The following ANO3 variants were observed in gnomAD, a reference collection of about 807,000 sequenced individuals.
The protein encoded by ANO3 is anoctamin-3.
Under a neutral mutation model 144.8 loss-of-function variants are expected in ANO3, and 99 were observed. The observed-to-expected ratio is 0.68, with a 90% CI of 0.58 to 0.81. The LOEUF (loss-of-function observed/expected upper bound fraction) is 0.81. Among genes scored for constraint, ANO3 ranks in the 30% least tolerant of loss-of-function variants. The pLI is 0.00. For missense variants in ANO3, 905 were observed against 1,202.2 expected (o/e 0.75, Z 3.66); for synonymous variants, 414 against 392.6 (o/e 1.05, Z -0.64).
At chr11:26,393,776 G>A (rs1856938601) in intron 1 of ANO3, among the ~76,000 whole-genome samples, 1 of 152,050 alleles carries the variant, frequency 6.6e-6, no homozygotes, top group African/African-American at 2.4e-5. Flanking sequence ...AATATACTTT[G>A]GGAGTTGTTA....
Position 26,374,535 on chromosome 11 carries a change from A to G in ANO3, c.46+42214A>G, listed in dbSNP as rs572523837. The stretch of plus-strand genomic sequence containing the variant: ...AAGTTTCTGATAAAGGGAAACAAAA[A>G]TTAGTAATAATCATTTGCCATTTTA... On this transcript the variant is annotated intron_variant, in intron 1 of 26. Coordinates refer to ENST00000256737, the MANE Select transcript of ANO3 (RefSeq NM_031418.4). Among the ~76,000 whole-genome samples the G allele has an allele frequency of 2.0e-5, 3 of 152,334 alleles. No individual in the cohort carries two copies. In the South Asian group the frequency reaches 6.2e-4, roughly 32 times the overall value.
chr11:26,465,643 G>C (rs938922818), intron 4 of ANO3, among the ~76,000 whole-genome samples: 1 of 151,822 alleles, frequency 6.6e-6, no homozygotes, highest in African/African-American at 2.4e-5. Flanking sequence ...ATAACCCCAA[G>C]TCCTGCAACC....
intron 1 of ANO3, among the ~76,000 whole-genome samples, chr11:26,243,829 T>C (rs536084910): frequency 7.9e-5 from 12 of 152,090 alleles, no homozygotes; most frequent in African/African-American, 2.9e-4. Context: ...GTGTTGTTTT[T>C]GAAAAAATGA....
In ANO3 at chr11:26,581,510, G is replaced by A. The variant is rs200431334; in HGVS notation, c.1448-16855G>A. On this transcript the variant is annotated intron_variant, in intron 14 of 26. Coordinates refer to ENST00000256737, the MANE Select transcript of ANO3 (RefSeq NM_031418.4). ...TCGAGACCACCCTGGTCAACATGGTGAAACCCCGTCTCTACTAAAAATACA... is the reference window on the plus strand; with the variant it reads ...TCGAGACCACCCTGGTCAACATGGTAAAACCCCGTCTCTACTAAAAATACA... Among the ~76,000 whole-genome samples, 12 of 151,896 alleles carry A rather than the reference G, an allele frequency of 7.9e-5. No individual in the cohort carries two copies. In the East Asian group the frequency reaches 2.3e-3, roughly 30 times the overall value.
chr11:26,306,369 C>T (rs1854384354), upstream of ANO3, among the ~76,000 whole-genome samples: 1 of 152,084 alleles, frequency 6.6e-6, no homozygotes, highest in Non-Finnish European at 1.5e-5. Flanking sequence ...CTAACCTTAC[C>T]TCTCTCCAAG....
At chr11:26,630,422 A>G (rs1315017525) in intron 18 of ANO3, among the ~76,000 whole-genome samples, 4 of 152,226 alleles carry the variant, frequency 2.6e-5, no homozygotes, top group African/African-American at 9.6e-5. Flanking sequence ...TTGTCACTTG[A>G]CATTAATCAG....
At chr11:26,410,968 G>A (rs1449351348) in intron 1 of ANO3, among the ~76,000 whole-genome samples, 1 of 151,890 alleles carries the variant, frequency 6.6e-6, no homozygotes, top group Non-Finnish European at 1.5e-5. Context: ...TGGGATTTCC[G>A]GATCTTCAAC....
intron 5 of ANO3, among the ~76,000 whole-genome samples, chr11:26,512,408 G>T (rs796539152): frequency 2.8e-4 from 43 of 152,270 alleles, no homozygotes; most frequent in African/African-American, 1.0e-3. Context: ...TGCCAGATTG[G>T]CAGTTTTTGA....
chr11:26,386,803 C>G (rs146536435), intron 1 of ANO3, among the ~76,000 whole-genome samples: 1 of 152,210 alleles, frequency 6.6e-6, no homozygotes, highest in East Asian at 1.9e-4. Context: ...GGATAGTATC[C>G]TGACCCAAAA....
intron 1 of ANO3, among the ~76,000 whole-genome samples, chr11:26,361,876 C>T (rs528116450): frequency 6.6e-6 from 1 of 152,214 alleles, no homozygotes; most frequent in African/African-American, 2.4e-5. Context: ...TCTAAAAATG[C>T]TTTTTGTTCT....
chr11:26,432,938 GA>G (rs2134012297), intron 1 of ANO3, among the ~76,000 whole-genome samples: 1 of 152,220 alleles, frequency 6.6e-6, no homozygotes, highest in East Asian at 1.9e-4. Context: ...ATTATGTGAA[GA>G]ATATCATTGG....
chr11:26,309,855 G>A (rs767943084), intron 1 of ANO3: 1 of 201,504 alleles, frequency 5.0e-6, no homozygotes, highest in Non-Finnish European at 8.8e-6. Flanking sequence ...ATTACCATAT[G>A]TGACATTTAG....
In ANO3 at chr11:26,635,075, G is replaced by A. The variant is rs1852907823; in HGVS notation, c.2043+5G>A. On this transcript the variant is annotated splice_donor_5th_base_variant and intron_variant, in intron 20 of 26. Transcript: ENST00000256737. ...GACCGGTGGAGACTGGAGGAAGTAAGTAACTTTGGGAGTGTGGGTGCAGGA... is the reference window on the plus strand; with the variant it reads ...GACCGGTGGAGACTGGAGGAAGTAAATAACTTTGGGAGTGTGGGTGCAGGA... 6.2e-7 allele frequency: 1 copy of A among 1,613,188 alleles called. No individual in the cohort carries two copies. Among genetic ancestry groups the A allele is most frequent in the African/African-American group, 1.3e-5 (1 of 74,926 alleles).
chr11:26,190,737 A>G (rs1564910508), intron 1 of ANO3, among the ~76,000 whole-genome samples: 1 of 152,104 alleles, frequency 6.6e-6, no homozygotes, highest in African/African-American at 2.4e-5. Flanking sequence ...TATTGTCTTT[A>G]TACACATCTA....
At chr11:26,388,943 G>C (rs888310018) in intron 1 of ANO3, among the ~76,000 whole-genome samples, 3 of 152,138 alleles carry the variant, frequency 2.0e-5, no homozygotes, top group African/African-American at 7.2e-5. Flanking sequence ...GATTCAAATA[G>C]AGTCCCTAGA....
chr11:26,277,743 T>C (rs1853589620), intron 1 of ANO3, among the ~76,000 whole-genome samples: 1 of 152,018 alleles, frequency 6.6e-6, no homozygotes, highest in Admixed American at 6.6e-5. Flanking sequence ...ATATCATCTT[T>C]CTGTAAAACT....
At chr11:26,621,502 C>T (rs1852414762) in intron 17 of ANO3, among the ~76,000 whole-genome samples, 1 of 152,142 alleles carries the variant, frequency 6.6e-6, no homozygotes, top group Admixed American at 6.5e-5. Flanking sequence ...ATGCTACCCT[C>T]TGAATACTTT....
Position 26,531,188 on chromosome 11 carries a change from A to C in ANO3, c.738-17A>C. On this transcript the variant is annotated splice_polypyrimidine_tract_variant and intron_variant, in intron 7 of 26. Transcript: ENST00000256737. ...GAATACAACCTAATCTAGTTCTCAA[A>C]TGTGACTTCATTCCAGGATGCAAAC... 1.2e-6 allele frequency: 2 copies of C among 1,613,724 alleles called. No homozygotes were observed. The highest frequency in any genetic ancestry group is 1.7e-6 in the Non-Finnish European group (2 of 1,179,816).
intron 1 of ANO3, among the ~76,000 whole-genome samples, chr11:26,202,825 T>C (rs1851724374): frequency 6.6e-6 from 1 of 152,034 alleles, no homozygotes; most frequent in African/African-American, 2.4e-5. Context: ...TTTAGGAGAA[T>C]AGTTTATTTA....
Sources: gnomAD v4.1 joint callset for allele counts (sites outside exome capture counted in the v4.1 genomes callset) on GRCh38, gnomAD v4.1.1 for gene constraint, MANE v1.5 for transcripts, NCBI Gene and HGNC (gene_info 2026-07-23, HGNC 2026-07-21) for gene names.